MARCHF1: variants seen among roughly 807,000 people sequenced by gnomAD.
The protein encoded by MARCHF1 is E3 ubiquitin-protein ligase MARCHF1.
In MARCHF1, 40 loss-of-function variants were observed where a neutral mutation model predicts 54.2. The ratio of observed to expected loss-of-function variants is 0.74; its 90% CI spans 0.57 to 0.96. MARCHF1 has a LOEUF of 0.96. Among genes scored for constraint, MARCHF1 ranks in the 40% least tolerant of loss-of-function variants. The pLI, the probability that MARCHF1 is intolerant of heterozygous loss-of-function variation, is 0.00. For missense variants in MARCHF1, 586 were observed against 656.5 expected (o/e 0.89, Z 1.17); for synonymous variants, 236 against 236.3 (o/e 1.00, Z 0.01).
intron 1 of MARCHF1, among the ~76,000 whole-genome samples, chr4:164,135,112 A>G (rs1312220383): frequency 6.6e-6 from 1 of 152,104 alleles, no homozygotes; most frequent in Admixed American, 6.5e-5. Flanking sequence ...TCTTACTTCT[A>G]TTTTATGTAG....
intron 1 of MARCHF1, among the ~76,000 whole-genome samples, chr4:164,277,743 C>A (rs1162406715): frequency 6.6e-6 from 1 of 152,168 alleles, no homozygotes; most frequent in Non-Finnish European, 1.5e-5. Flanking sequence ...AATTATATTT[C>A]CCATATTGAA....
At chr4:164,200,065 C>A (rs1731412129) in intron 1 of MARCHF1, among the ~76,000 whole-genome samples, 1 of 152,204 alleles carries the variant, frequency 6.6e-6, no homozygotes, top group Non-Finnish European at 1.5e-5. Flanking sequence ...ATATCCCTTT[C>A]TACAGAAGGA....
At chr4:163,632,053 T>C (rs868829937) in intron 5 of MARCHF1, among the ~76,000 whole-genome samples, 8 of 152,116 alleles carry the variant, frequency 5.3e-5, no homozygotes, top group African/African-American at 1.2e-4. Context: ...TCACACCCAT[T>C]AAGATGGCTA....
At chr4:163,575,717 T>A (rs922941737) in intron 8 of MARCHF1, among the ~76,000 whole-genome samples, 3 of 152,030 alleles carry the variant, frequency 2.0e-5, no homozygotes, top group African/African-American at 4.8e-5. Context: ...CTGATTCAAT[T>A]TCAGAACTTG....
At chr4:163,980,539 C>T (rs569812594) in intron 3 of MARCHF1, among the ~76,000 whole-genome samples, 32 of 152,102 alleles carry the variant, frequency 2.1e-4, no homozygotes, top group Non-Finnish European at 3.2e-4. Context: ...AACTAAAGAG[C>T]TTCTGCACAG....
intron 1 of MARCHF1, among the ~76,000 whole-genome samples, chr4:164,226,463 C>T (rs1443769953): frequency 6.6e-6 from 1 of 151,850 alleles, no homozygotes; most frequent in African/African-American, 2.4e-5. Flanking sequence ...AGATGAAAGA[C>T]TGACACAAGG....
chr4:163,674,838 A>C (rs1743858741), intron 5 of MARCHF1, among the ~76,000 whole-genome samples: 1 of 152,256 alleles, frequency 6.6e-6, no homozygotes, highest in East Asian at 1.9e-4. Context: ...GATAATTGGT[A>C]ATATTAGACA....
intron 1 of MARCHF1, among the ~76,000 whole-genome samples, chr4:164,215,627 C>G (rs1387848533): frequency 6.6e-6 from 1 of 152,066 alleles, no homozygotes; most frequent in East Asian, 1.9e-4. Flanking sequence ...ACATCCGTTC[C>G]GTATCAAAAT....
chr4:163,969,350 A>AT (rs1752503886), intron 3 of MARCHF1, among the ~76,000 whole-genome samples: 3 of 152,272 alleles, frequency 2.0e-5, no homozygotes, highest in Admixed American at 6.5e-5. Flanking sequence ...GTTAAAGCAA[A>AT]TTTTTGCTGG....
At chr4:164,382,398 T>C (rs1254051158) in intron 1 of MARCHF1, among the ~76,000 whole-genome samples, 1 of 152,238 alleles carries the variant, frequency 6.6e-6, no homozygotes, top group East Asian at 1.9e-4. Context: ...GATTGTTGCT[T>C]TCTTATACCA....
intron 5 of MARCHF1, among the ~76,000 whole-genome samples, chr4:163,627,623 G>A (rs1417751611): frequency 6.6e-6 from 1 of 151,964 alleles, no homozygotes; most frequent in Non-Finnish European, 1.5e-5. Context: ...TCAGTGAAGG[G>A]TTCTGACTTG....
chr4:163,585,463 T>A (rs1183924622), intron 8 of MARCHF1: 1 of 203,678 alleles, frequency 4.9e-6, no homozygotes, highest in East Asian at 1.1e-4. Context: ...GCATTTTGCA[T>A]GCATATACAT....
intron 1 of MARCHF1, among the ~76,000 whole-genome samples, chr4:164,288,296 T>C (rs1435343004): frequency 3.3e-5 from 5 of 152,108 alleles, no homozygotes; most frequent in African/African-American, 7.2e-5. Context: ...AAAGTCAGAA[T>C]TGTGATCTTG....
intron 3 of MARCHF1, among the ~76,000 whole-genome samples, chr4:163,939,795 G>A (rs1430066118): frequency 6.6e-6 from 1 of 152,134 alleles, no homozygotes; most frequent in East Asian, 1.9e-4. Context: ...TTTTTCAGCT[G>A]ATGTCAGCAT....
At chr4:164,074,869 C>G (rs1210771811) in intron 2 of MARCHF1, among the ~76,000 whole-genome samples, 2 of 150,726 alleles carry the variant, frequency 1.3e-5, no homozygotes, top group Non-Finnish European at 3.0e-5. Flanking sequence ...GAATAAATTT[C>G]TTCTAAAATA....
At chr4:164,250,914 A>G (rs1733105531) in intron 1 of MARCHF1, among the ~76,000 whole-genome samples, 1 of 151,906 alleles carries the variant, frequency 6.6e-6, no homozygotes, top group Non-Finnish European at 1.5e-5. Flanking sequence ...GGACTAAATT[A>G]CTCCCTACCT....
chr4:164,143,696 C>A (rs897567987), intron 1 of MARCHF1, among the ~76,000 whole-genome samples: 11 of 152,232 alleles, frequency 7.2e-5, no homozygotes, highest in African/African-American at 2.4e-4. Flanking sequence ...AAGGAACAAC[C>A]GATACCAGCC....
chr4:163,607,019 T>C (rs917993062), intron 7 of MARCHF1, among the ~76,000 whole-genome samples: 4 of 152,082 alleles, frequency 2.6e-5, no homozygotes, highest in Admixed American at 2.6e-4. Context: ...CTGGCCAGAC[T>C]ATCTCTTCCC....
chr4:163,548,140 C>T (rs893850258), intron 8 of MARCHF1, among the ~76,000 whole-genome samples: 2 of 152,034 alleles, frequency 1.3e-5, no homozygotes, highest in Non-Finnish European at 1.5e-5. Context: ...TCGTATTAAT[C>T]TGAATAACAC....
Sources: gnomAD v4.1 joint callset for allele counts (sites outside exome capture counted in the v4.1 genomes callset) on GRCh38, gnomAD v4.1.1 for gene constraint, MANE v1.5 for transcripts, NCBI Gene and HGNC (gene_info 2026-07-23, HGNC 2026-07-21) for gene names.